Variants in WBP2NL observed in about 807,000 individuals in gnomAD.
WBP2NL encodes the protein WBP2 N-terminal like, also known as postacrosomal sheath WW domain-binding protein.
A neutral mutation model predicts 23.3 loss-of-function variants in WBP2NL; 27 were observed. That is an observed-to-expected ratio of 1.16 (90% CI 0.85 to 1.60). WBP2NL has a LOEUF of 1.60. WBP2NL is among the 40% of genes most tolerant of loss of function. The pLI is 0.00. For synonymous variants in WBP2NL, 151 were observed against 145.9 expected (o/e 1.03, Z -0.25); for missense variants, 370 against 389.5 (o/e 0.95, Z 0.42).
Position 42,019,332 on chromosome 22 carries a change from T to C in WBP2NL, c.84T>C (p.Asn28=), listed in dbSNP as rs1006797277. 6.2e-7 allele frequency: 1 copy of C among 1,614,130 alleles called. No individual in the cohort carries two copies. The highest frequency in any genetic ancestry group is 8.5e-7 in the Non-Finnish European group (1 of 1,180,028). ...ACAGTCTCTTGAAGCGGTCTCCGAA[T>C]GTGGAGCTCTCCTTCCCACAGCGAT... The part of the protein sequence containing the change: ...NGESLLKRSP[N]VELSFPQRSE... The change falls in exon 2 of 6, where the codon AAT becomes AAC. Residue 28 remains asparagine, a synonymous_variant. Transcript: ENST00000328823.
At chr22:42,040,829 T>A (rs1925375933) in intron 8 of WBP2NL, among the ~76,000 whole-genome samples, 1 of 152,238 alleles carries the variant, frequency 6.6e-6, no homozygotes, top group South Asian at 2.1e-4. Flanking sequence ...TGACTTAAGA[T>A]GTGACCTATC....
At chr22:42,052,814 C>G (rs1300977742) in intron 8 of WBP2NL, among the ~76,000 whole-genome samples, 1 of 152,202 alleles carries the variant, frequency 6.6e-6, no homozygotes, top group Non-Finnish European at 1.5e-5. Flanking sequence ...GCCTCCCTGT[C>G]TCTCACCTGG....
At chr22:42,016,860 T>C (rs1186859075) in intron 1 of WBP2NL, among the ~76,000 whole-genome samples, 1 of 152,242 alleles carries the variant, frequency 6.6e-6, no homozygotes, top group African/African-American at 2.4e-5. Flanking sequence ...TATGTGACTT[T>C]CCTGTTGAGA....
intron 1 of WBP2NL, among the ~76,000 whole-genome samples, chr22:42,004,569 C>T (rs1922026342): frequency 3.3e-5 from 5 of 151,962 alleles, no homozygotes; most frequent in Admixed American, 3.3e-4. Context: ...ACTCCAGCCT[C>T]CAGCCTGGGT....
chr22:42,019,928 C>T, intron 3 of WBP2NL, 76 bp from the exon 4 acceptor site: 1 of 1,592,060 alleles, frequency 6.3e-7, no homozygotes. Flanking sequence ...GTAGTGCTTC[C>T]CTTGGTGTTT....
At chr22:42,029,715 A>G (rs1203048358), downstream of WBP2NL, among the ~76,000 whole-genome samples, 2 of 152,226 alleles carry the variant, frequency 1.3e-5, no homozygotes, top group African/African-American at 4.8e-5. Flanking sequence ...ATGCTATATA[A>G]TGTTTCACCA....
chr22:42,043,535 G>C (rs770443882), intron 8 of WBP2NL, among the ~76,000 whole-genome samples: 1 of 152,176 alleles, frequency 6.6e-6, no homozygotes, highest in African/African-American at 2.4e-5. Flanking sequence ...TTATGTGTGT[G>C]TGTAGCTGTG....
intron 8 of WBP2NL, among the ~76,000 whole-genome samples, chr22:42,057,119 T>C (rs1365390400): frequency 1.3e-5 from 2 of 152,206 alleles, no homozygotes; most frequent in African/African-American, 4.8e-5. Context: ...TTTTCAACCA[T>C]TCTTTCTTCC....
Position 42,019,390 on chromosome 22 carries a change from A to G in WBP2NL, c.142A>G (p.Thr48Ala). 1.2e-6 allele frequency: 2 copies of G among 1,614,200 alleles called. No individual in the cohort carries two copies. The highest frequency in any genetic ancestry group is 1.7e-6 in the Non-Finnish European group (2 of 1,180,038). ...EGSNVFSGRK[T>A]GTLFLTSYRV... ...CTCAAATGTCTTTAGTGGTAGAAAG[A>G]CAGGAACATTGTTTCTCACTTCATA... The change falls in exon 2 of 6, where the codon ACA (threonine) becomes GCA (alanine). Residue 48 changes from threonine to alanine, a missense_variant. Physicochemically the swap from Thr to Ala is moderately conservative, Grantham distance 58. Coordinates refer to ENST00000328823, the MANE Select transcript of WBP2NL (RefSeq NM_152613.3).
rs1924682018 is a variant in WBP2NL, at chr22:42,028,254, C to T, written c.*1073C>T. The T allele has an allele frequency of 1.0e-5, 4 of 395,170 alleles. No homozygotes were observed. The highest frequency in any genetic ancestry group is 4.4e-5 in the Admixed American group (1 of 22,680). 24.5% of individuals were successfully genotyped at this position (395,170 alleles called of 1,614,324 possible). A position where few individuals can be genotyped will look rare whatever the true frequency, so the allele number is the denominator to read the frequency against. On this transcript the variant is annotated 3_prime_UTR_variant, in exon 6 of 6. Transcript: ENST00000328823. ...AAAAGCAAGTTGTAGGGAGCATATACTATAGTGATTTTCAGCCTCATCAGA... is the reference window on the plus strand; with the variant it reads ...AAAAGCAAGTTGTAGGGAGCATATATTATAGTGATTTTCAGCCTCATCAGA...
chr22:42,036,125 G>T (rs1263982787), downstream of WBP2NL, among the ~76,000 whole-genome samples: 1 of 152,098 alleles, frequency 6.6e-6, no homozygotes, highest in African/African-American at 2.4e-5. Context: ...GTGAACAATG[G>T]GAGTACAGAT....
chr22:42,054,838 A>G (rs1925974602), intron 8 of WBP2NL, among the ~76,000 whole-genome samples: 1 of 152,010 alleles, frequency 6.6e-6, no homozygotes, highest in Admixed American at 6.6e-5. Context: ...GCACTGAGCT[A>G]TGTCACACTA....
chr22:42,001,783 G>A (rs552758938), intron 1 of WBP2NL: 3 of 1,211,150 alleles, frequency 2.5e-6, no homozygotes, highest in African/African-American at 3.0e-5. Flanking sequence ...TGCTCCTTGG[G>A]AATACAGACC....
At chr22:42,008,026 A>G (rs544637506) in intron 1 of WBP2NL, among the ~76,000 whole-genome samples, 1 of 152,132 alleles carries the variant, frequency 6.6e-6, no homozygotes, top group Admixed American at 6.6e-5. Flanking sequence ...GCAACAGTGC[A>G]CAAGAGTTCC....
intron 1 of WBP2NL, among the ~76,000 whole-genome samples, chr22:42,012,569 A>C (rs1922919706): frequency 6.6e-6 from 1 of 152,170 alleles, no homozygotes; most frequent in Non-Finnish European, 1.5e-5. Context: ...ATATTATAAA[A>C]TATAGCGTTT....
rs1923635985 is a variant in WBP2NL at position 42,019,185 on chromosome 22, C to T, written c.63-126C>T. The T allele has an allele frequency of 5.3e-6, 4 of 756,920 alleles. No homozygotes were observed. The Admixed American group carries it at 8.4e-5, about 16-fold the overall frequency. The allele number at this position is 756,920 out of a possible 1,614,324, so 46.9% of individuals were successfully genotyped here. A position where few individuals can be genotyped will look rare whatever the true frequency, so the allele number is the denominator to read the frequency against. On this transcript the variant is annotated intron_variant, in intron 1 of 5. Transcript: ENST00000328823. ...GCAGTGAGGTGAAATCGTGCCACTG[C>T]ACTCCCGCCTGGGCAACAGAGTAAG...
At chr22:42,039,924 T>TTA (rs1569453862) in intron 8 of WBP2NL, among the ~76,000 whole-genome samples, 12 of 150,130 alleles carry the variant, frequency 8.0e-5, no homozygotes, top group African/African-American at 3.0e-4. Flanking sequence ...TTTTTTTTTT[T>TTA]CCTCGAGATG....
intron 1 of WBP2NL, among the ~76,000 whole-genome samples, chr22:42,013,504 A>G (rs183611478): frequency 1.3e-5 from 2 of 152,326 alleles, no homozygotes; most frequent in Non-Finnish European, 2.9e-5. Context: ...TTGGCTTTCA[A>G]TAATTTGATT....
intron 8 of WBP2NL, among the ~76,000 whole-genome samples, chr22:42,039,034 C>T (rs1171719556): frequency 2.0e-5 from 3 of 151,488 alleles, no homozygotes; most frequent in Non-Finnish European, 4.4e-5. Flanking sequence ...GCCTCTCTTA[C>T]GTAGCTGGGA....
Sources: gnomAD v4.1 joint callset for allele counts (sites outside exome capture counted in the v4.1 genomes callset) on GRCh38, gnomAD v4.1.1 for gene constraint, MANE v1.5 for transcripts, NCBI Gene and HGNC (gene_info 2026-07-23, HGNC 2026-07-21) for gene names.